Variants in PHTF2 observed in about 807,000 individuals in gnomAD.
The protein encoded by PHTF2 is protein PHTF2.
In PHTF2, 60 loss-of-function variants were observed where a neutral mutation model predicts 101.2. The ratio of observed to expected loss-of-function variants is 0.59; its 90% CI spans 0.48 to 0.73. The LOEUF (loss-of-function observed/expected upper bound fraction) is 0.73. Among genes scored for constraint, PHTF2 ranks in the 30% least tolerant of loss-of-function variants. The pLI is 0.00. For missense variants in PHTF2, 747 were observed against 908.7 expected (o/e 0.82, Z 2.29); for synonymous variants, 311 against 307.3 (o/e 1.01, Z -0.13).
intron 3 of PHTF2, among the ~76,000 whole-genome samples, chr7:77,880,905 T>C (rs1318442009): frequency 6.6e-6 from 1 of 152,246 alleles, no homozygotes; most frequent in African/African-American, 2.4e-5. Context: ...TCCTGGACTT[T>C]TGAACCTTGG....
intron 9 of PHTF2, among the ~76,000 whole-genome samples, chr7:77,917,578 G>A (rs1803051424): frequency 6.6e-6 from 1 of 152,170 alleles, no homozygotes; most frequent in South Asian, 2.1e-4. Flanking sequence ...TTCTTTCTGT[G>A]TCAGTGAGAA....
chr7:77,823,719 C>G (rs1214790346), intron 1 of PHTF2, among the ~76,000 whole-genome samples: 1 of 151,780 alleles, frequency 6.6e-6, no homozygotes, highest in African/African-American at 2.4e-5. Flanking sequence ...ACCTGTGTAG[C>G]TAGAATGTAA....
intron 1 of PHTF2, among the ~76,000 whole-genome samples, chr7:77,802,606 A>C (rs1792645303): frequency 6.6e-6 from 1 of 152,170 alleles, no homozygotes; most frequent in Non-Finnish European, 1.5e-5. Flanking sequence ...CAGTAGTGTA[A>C]TTACTGTAAC....
At chr7:77,901,293 AT>A (rs1225841449) in intron 6 of PHTF2, among the ~76,000 whole-genome samples, 1 of 152,226 alleles carries the variant, frequency 6.6e-6, no homozygotes, top group Non-Finnish European at 1.5e-5. Flanking sequence ...AAATAAAAAC[AT>A]TGTGAACCTT....
chr7:77,940,706 G>C, intron 15 of PHTF2, 47 bp downstream of exon 14: 1 of 1,347,982 alleles, frequency 7.4e-7, no homozygotes, highest in Middle Eastern at 1.9e-4. Flanking sequence ...GGCCCTTTCT[G>C]ATAGTTCCAG....
At chr7:77,923,651 A>C (rs769492177) in intron 11 of PHTF2, 10 of 985,108 alleles carry the variant, frequency 1.0e-5, no homozygotes, top group Non-Finnish European at 1.2e-5. Context: ...TTGCCTCTTC[A>C]CCCATGTCAT....
chr7:77,943,372 C>T (rs1805794623), intron 16 of PHTF2, among the ~76,000 whole-genome samples: 1 of 152,122 alleles, frequency 6.6e-6, no homozygotes, highest in Admixed American at 6.5e-5. Flanking sequence ...CGTGATCTGC[C>T]CGCCTCGGCC....
chr7:77,845,186 C>T (rs571997953), intron 2 of PHTF2, among the ~76,000 whole-genome samples: 1 of 152,268 alleles, frequency 6.6e-6, no homozygotes, highest in South Asian at 2.1e-4. Context: ...AGATAATTGA[C>T]ACACTAAGTA....
intron 13 of PHTF2, among the ~76,000 whole-genome samples, chr7:77,938,608 T>A (rs1264240837): frequency 6.6e-6 from 1 of 151,494 alleles, no homozygotes; most frequent in African/African-American, 2.4e-5. Flanking sequence ...AAACCCTGTC[T>A]CTACTAAAAA....
At chr7:77,799,359 G>A (rs1412030011) in intron 1 of PHTF2, among the ~76,000 whole-genome samples, 1 of 152,222 alleles carries the variant, frequency 6.6e-6, no homozygotes, top group Non-Finnish European at 1.5e-5. Flanking sequence ...GGTCCTGGAA[G>A]GGCGTTCAGG....
chr7:77,850,360 CAAAAAAAAAAAA>C (rs71082789), intron 2 of PHTF2, among the ~76,000 whole-genome samples: 7 of 44,376 alleles, frequency 1.6e-4, no homozygotes, highest in Admixed American at 3.6e-4. Context: ...GACCTTGTCT[CAAAAAAAAAAAA>C]AAAAAAAAAA....
intron 3 of PHTF2, among the ~76,000 whole-genome samples, chr7:77,884,532 A>C (rs1439037918): frequency 6.6e-6 from 1 of 152,168 alleles, no homozygotes; most frequent in East Asian, 1.9e-4. Context: ...TTTCTGACTG[A>C]TAACATTTAT....
At chr7:77,922,472 A>G (rs1175719753) in intron 10 of PHTF2, 151 bp from the exon 10 acceptor site, 5 of 481,514 alleles carry the variant, frequency 1.0e-5, no homozygotes, top group Non-Finnish European at 1.8e-5. Flanking sequence ...TTTTCAGAAA[A>G]TCAGGTAATA....
intron 2 of PHTF2, among the ~76,000 whole-genome samples, chr7:77,853,139 T>C (rs1026081994): frequency 2.6e-5 from 4 of 152,180 alleles, no homozygotes; most frequent in Non-Finnish European, 5.9e-5. Flanking sequence ...TGTTATTATC[T>C]CTTTGAGTAA....
At chr7:77,955,033 TACTGGTTC>T (rs1430581760) in exon 20 of PHTF2, 1 of 385,312 alleles carries the variant, frequency 2.6e-6, no homozygotes, top group African/African-American at 2.1e-5. Context: ...ATATTTATTT[TACTGGTTC>T]ACTTTTTTTT....
At chr7:77,932,450 G>C (rs1804653083) in intron 12 of PHTF2, among the ~76,000 whole-genome samples, 1 of 152,124 alleles carries the variant, frequency 6.6e-6, no homozygotes, top group South Asian at 2.1e-4. Flanking sequence ...TTTCCGTGAA[G>C]TGCAAGAGTC....
intron 12 of PHTF2, among the ~76,000 whole-genome samples, chr7:77,936,232 T>G (rs79813942): frequency 6.6e-6 from 1 of 151,834 alleles, no homozygotes; most frequent in Non-Finnish European, 1.5e-5. Flanking sequence ...ACAAGAAACA[T>G]TTTTTTTACC....
At chr7:77,945,225 C>T (rs1036798351) in intron 16 of PHTF2, among the ~76,000 whole-genome samples, 2 of 152,148 alleles carry the variant, frequency 1.3e-5, no homozygotes, top group African/African-American at 4.8e-5. Flanking sequence ...GTAATCGCAG[C>T]TGCTCGGGAG....
At chr7:77,926,199 T>C (rs1248172218) in intron 11 of PHTF2, among the ~76,000 whole-genome samples, 1 of 152,270 alleles carries the variant, frequency 6.6e-6, no homozygotes, top group African/African-American at 2.4e-5. Context: ...TTAACAAGTC[T>C]GCAACAGACG....
Sources: gnomAD v4.1 joint callset for allele counts (sites outside exome capture counted in the v4.1 genomes callset) on GRCh38, gnomAD v4.1.1 for gene constraint, MANE v1.5 for transcripts, NCBI Gene and HGNC (gene_info 2026-07-23, HGNC 2026-07-21) for gene names.